POPDC2: variants seen among roughly 807,000 people sequenced by gnomAD.
POPDC2 encodes the protein popeye domain-containing protein 2.
In POPDC2, 24 loss-of-function variants were observed where a neutral mutation model predicts 30.5. The ratio of observed to expected loss-of-function variants is 0.79; its 90% CI spans 0.57 to 1.11. The LOEUF (loss-of-function observed/expected upper bound fraction) is 1.11. Ranked by LOEUF, POPDC2 falls within the 50% of genes least tolerant of loss-of-function variation. The pLI is 0.00. For missense variants in POPDC2, 409 were observed against 447.0 expected (o/e 0.91, Z 0.77); for synonymous variants, 185 against 183.3 (o/e 1.01, Z -0.07).
At chr3:119,643,377 C>A in intron 3 of POPDC2, 1 of 1,535,244 alleles carries the variant, frequency 6.5e-7, no homozygotes, top group South Asian at 1.2e-5. Flanking sequence ...CTTTTGTTGT[C>A]AGGGGATTCT....
chr3:119,643,262 C>T (rs1000851830), intron 3 of POPDC2: 2 of 735,538 alleles, frequency 2.7e-6, no homozygotes, highest in African/African-American at 3.5e-5. Context: ...CTCTAATCTG[C>T]CTCCTCCCAA....
At chr3:119,643,444 C>T (rs1423728634) in intron 3 of POPDC2, 1 of 1,528,596 alleles carries the variant, frequency 6.5e-7, no homozygotes, top group Non-Finnish European at 8.8e-7. Flanking sequence ...GGAAAATCAT[C>T]TATCTCTGAT....
chr3:119,660,063 C>G lies in POPDC2; in HGVS notation c.361G>C (p.Val121Leu), dbSNP rs146321019. The change falls in exon 1 of 4, where the codon GTG becomes CTG. Residue 121 changes from valine (V) to leucine (L), a missense_variant. Coordinates refer to ENST00000493094, the MANE Select transcript of POPDC2 (RefSeq NM_001369919.2). ...ATCTCCTTGTATGTCTGTAGGGGCA[C>G]CTGCAAGGGCAGGCACAGCGTCTTG... is the stretch of plus-strand genomic sequence containing the variant. ...LYKTLCLPLQ[V>L]PLQTYKEIVH... is the part of the protein sequence containing the mutation. 1 of 1,614,230 alleles carries G rather than the reference C, an allele frequency of 6.2e-7. No individual in the cohort carries two copies. The highest frequency in any genetic ancestry group is 2.2e-5 in the East Asian group (1 of 44,882).
At position 119,654,617 on chromosome 3, in the gene POPDC2, G is replaced by A. The variant is rs771210129; in HGVS notation, c.492-4C>T. ...CCCATCCTGGCTCACACGAACCCTG[G>A]CAAGGGAAGAGAAGAGATCATGTGG... On this transcript the variant is annotated splice_region_variant and splice_polypyrimidine_tract_variant and intron_variant, in intron 1 of 3. Coordinates refer to ENST00000493094, the MANE Select transcript of POPDC2 (RefSeq NM_001369919.2). 1 of 1,611,214 alleles carries A rather than the reference G, an allele frequency of 6.2e-7. No individual in the cohort carries two copies. The highest frequency in any genetic ancestry group is 8.5e-7 in the Non-Finnish European group (1 of 1,177,374).
chr3:119,660,256 G>A lies in POPDC2; in HGVS notation c.168C>T (p.Phe56=), dbSNP rs779511368. 5 of 1,614,056 alleles carry A rather than the reference G, an allele frequency of 3.1e-6. No homozygotes were observed. The African/African-American group carries it at 4.0e-5, about 13-fold the overall frequency. ...CGCAGCACAGGTAACCTGCACTCAG[G>A]AAGCCAAAAAGATAGAAGCATCCAT... The part of the protein sequence containing the change: ...GVYGCFYLFG[F]LSAGYLCCVL... The change falls in exon 1 of 4, where the codon TTC becomes TTT. Residue 56 remains phenylalanine (F), a synonymous_variant. Transcript: ENST00000493094.
chr3:119,649,359 C>T (rs1032845257), intron 2 of POPDC2, among the ~76,000 whole-genome samples: 4 of 152,282 alleles, frequency 2.6e-5, no homozygotes, highest in African/African-American at 9.6e-5. Context: ...GTTTATTCAT[C>T]TAGGAATTTC....
chr3:119,652,405 C>T (rs79720020), intron 2 of POPDC2, among the ~76,000 whole-genome samples: 12,291 of 152,258 alleles, frequency 0.081, 695 homozygotes, highest in East Asian at 0.2. Context: ...CTTAAGATAA[C>T]ACTTGACATT....
Position 119,660,341 on chromosome 3 carries a change from G to T in POPDC2, c.83C>A (p.Ala28Asp). 6.2e-7 allele frequency: 1 copy of T among 1,614,146 alleles called. No homozygotes were observed. The highest frequency in any genetic ancestry group is 8.5e-7 in the Non-Finnish European group (1 of 1,180,002). ...GAGGCAGTTGGCTAGGTGGTAGACA[G>T]CCCCTTCCACATCCTGCTTCCACCT... ...CIRWKQDVEG[A>D]VYHLANCLLL... The change falls in exon 1 of 4, where the codon GCT (alanine) becomes GAT (aspartate). Residue 28 changes from alanine (A) to aspartate (D), a missense_variant. Coordinates refer to ENST00000493094, the MANE Select transcript of POPDC2 (RefSeq NM_001369919.2).
At chr3:119,660,675 A>ACACCTCCCCT (rs2052934459), upstream of POPDC2, 2 of 20,630 alleles carry the variant, frequency 9.7e-5, no homozygotes, top group South Asian at 7.2e-4. Context: ...TCTCCTCCCC[A>ACACCTCCCCT]CCACCCCCGC....
chr3:119,647,101 T>C (rs2107814306), intron 3 of POPDC2, among the ~76,000 whole-genome samples: 1 of 152,336 alleles, frequency 6.6e-6, no homozygotes, highest in African/African-American at 2.4e-5. Flanking sequence ...ATGGCCTCTT[T>C]CATCATTTAT....
rs1313485852 is a variant in POPDC2 at position 119,642,177 on chromosome 3, T to C, written c.*428A>G. On this transcript the variant is annotated 3_prime_UTR_variant, in exon 4 of 4. Coordinates refer to ENST00000493094, the MANE Select transcript of POPDC2 (RefSeq NM_001369919.2). ...GTGAGGTGGGTTTCATAACCCCCAC[T>C]GTTTACCGATGAGGCTCACAGAGGC... The C allele has an allele frequency of 9.1e-6, 2 of 218,764 alleles. No individual in the cohort carries two copies. Among genetic ancestry groups the C allele is most frequent in the Non-Finnish European group, 1.8e-5 (2 of 108,130 alleles). The allele number at this position is 218,764 out of a possible 1,614,324, so 13.6% of individuals were successfully genotyped here. A position where few individuals can be genotyped will look rare whatever the true frequency, so the allele number is the denominator to read the frequency against.
intron 3 of POPDC2, among the ~76,000 whole-genome samples, chr3:119,646,396 C>G (rs1300880763): frequency 6.6e-6 from 1 of 151,946 alleles, no homozygotes; most frequent in Non-Finnish European, 1.5e-5. Flanking sequence ...TTCGGGAGAC[C>G]AAGGCAGGAG....
intron 2 of POPDC2, among the ~76,000 whole-genome samples, chr3:119,654,161 C>CA (rs1185242193): frequency 6.6e-6 from 1 of 151,910 alleles, no homozygotes; most frequent in Non-Finnish European, 1.5e-5. Context: ...CTAGTATGAG[C>CA]AAAAAATATG....
At chr3:119,657,073 A>G (rs1170426432) in intron 1 of POPDC2, among the ~76,000 whole-genome samples, 2 of 152,232 alleles carry the variant, frequency 1.3e-5, no homozygotes, top group Non-Finnish European at 2.9e-5. Context: ...CTCGAAGGAG[A>G]TGACATTTGA....
Position 119,645,330 on chromosome 3 carries a change from A to G in POPDC2, c.*44-2769T>C, listed in dbSNP as rs531185695. Among the ~76,000 whole-genome samples, 590 of 152,310 alleles carry G rather than the reference A, an allele frequency of 3.9e-3. 2 individuals are homozygous for G. The highest frequency in any genetic ancestry group is 0.01 in the African/African-American group (428 of 41,564). ...GTAATCCCAGCACTTTGGGAGCCCGAGGCGGGCGGATCACCACGTCAGGAG... is the reference window on the plus strand; with the variant it reads ...GTAATCCCAGCACTTTGGGAGCCCGGGGCGGGCGGATCACCACGTCAGGAG... On this transcript the variant is annotated intron_variant, in intron 3 of 3. Coordinates refer to ENST00000493094, the MANE Select transcript of POPDC2 (RefSeq NM_001369919.2).
chr3:119,660,509 G>A lies in POPDC2; in HGVS notation c.-86C>T. On this transcript the variant is annotated 5_prime_UTR_variant, in exon 1 of 4. Coordinates refer to ENST00000493094, the MANE Select transcript of POPDC2 (RefSeq NM_001369919.2). The stretch of plus-strand genomic sequence containing the variant: ...AAATGAATGAATCCATCCGCTCAGG[G>A]GTCTTCTCACCTCCGGCTTCTCACT... 2.8e-6 allele frequency: 4 copies of A among 1,447,882 alleles called. No homozygotes were observed. The South Asian group carries it at 4.2e-5, about 15-fold the overall frequency. 89.7% of individuals were successfully genotyped at this position (1,447,882 alleles called of 1,614,324 possible).
intron 3 of POPDC2, 46 bp downstream of exon 3, chr3:119,648,073 C>T (rs2052764614): frequency 7.2e-7 from 1 of 1,381,090 alleles, no homozygotes; most frequent in Non-Finnish European, 9.5e-7. Flanking sequence ...TGAGTTAAGG[C>T]CAGCCATTGA....
intron 2 of POPDC2, among the ~76,000 whole-genome samples, chr3:119,651,956 C>G (rs1473927803): frequency 6.6e-6 from 1 of 152,158 alleles, no homozygotes; most frequent in Non-Finnish European, 1.5e-5. Context: ...TTCTCATGTC[C>G]TGTATAAAAT....
At chr3:119,653,662 A>T (rs1340968669) in intron 2 of POPDC2, among the ~76,000 whole-genome samples, 1 of 152,084 alleles carries the variant, frequency 6.6e-6, no homozygotes, top group African/African-American at 2.4e-5. Context: ...TATTTTTAGT[A>T]GAGACGGGAT....
Sources: gnomAD v4.1 joint callset for allele counts (sites outside exome capture counted in the v4.1 genomes callset) on GRCh38, gnomAD v4.1.1 for gene constraint, MANE v1.5 for transcripts, NCBI Gene and HGNC (gene_info 2026-07-23, HGNC 2026-07-21) for gene names.